CLSTN2: variants seen among roughly 807,000 people sequenced by gnomAD.
CLSTN2 encodes the protein calsyntenin-2.
CLSTN2 carries 48 observed loss-of-function variants against 101.2 expected under a neutral mutation model. The observed-to-expected ratio is 0.47, with a 90% CI of 0.38 to 0.60. The LOEUF (loss-of-function observed/expected upper bound fraction) is 0.60, where lower values mean the gene tolerates loss of function less well. Ranked by LOEUF, CLSTN2 falls within the 20% of genes least tolerant of loss-of-function variation. The pLI is 0.00. For missense variants in CLSTN2, 1,160 were observed against 1,238.2 expected (o/e 0.94, Z 0.95); for synonymous variants, 481 against 463.6 (o/e 1.04, Z -0.48).
chr3:139,981,744 A>C (rs1436485372), intron 1 of CLSTN2, among the ~76,000 whole-genome samples: 2 of 152,170 alleles, frequency 1.3e-5, no homozygotes, highest in Admixed American at 6.5e-5. Context: ...CTTTTTGGAG[A>C]GAATCTTTGC....
intron 9 of CLSTN2, among the ~76,000 whole-genome samples, chr3:140,538,897 C>G (rs140087320): frequency 1.3e-5 from 2 of 152,314 alleles, no homozygotes; most frequent in Non-Finnish European, 2.9e-5. Flanking sequence ...ATTTGAGAGT[C>G]ACAATGCATG....
At chr3:140,080,834 T>C (rs1576419923) in intron 1 of CLSTN2, among the ~76,000 whole-genome samples, 1 of 152,120 alleles carries the variant, frequency 6.6e-6, no homozygotes. Context: ...GCCACAAGGA[T>C]GGGGTGAGTG....
At chr3:140,307,287 T>C (rs12695712) in intron 2 of CLSTN2, among the ~76,000 whole-genome samples, 94,118 of 151,906 alleles carry the variant, frequency 0.62, 29,448 homozygotes, top group Non-Finnish European at 0.68. Context: ...TCCCAAACCA[T>C]GTGGGACATT....
In CLSTN2 at chr3:140,556,494, G is replaced by A. The variant is rs751708160; in HGVS notation, c.1675-19G>A. 1.5e-5 allele frequency: 25 copies of A among 1,613,386 alleles called. No individual in the cohort carries two copies. The South Asian group carries it at 2.7e-4, about 18-fold the overall frequency. On this transcript the variant is annotated intron_variant, in intron 10 of 16. Transcript: ENST00000458420. The stretch of plus-strand genomic sequence containing the variant: ...ATCACTGACCATTCTCTTCCATGAT[G>A]CTCACTTTTGTCTTCCAGTATCACT...
At chr3:140,273,127 C>A (rs928534370) in intron 2 of CLSTN2, among the ~76,000 whole-genome samples, 1 of 151,948 alleles carries the variant, frequency 6.6e-6, no homozygotes, top group Non-Finnish European at 1.5e-5. Context: ...GAATAAAAAA[C>A]TTTTATTCCT....
At chr3:140,490,925 C>T (rs372570428) in intron 8 of CLSTN2, among the ~76,000 whole-genome samples, 7 of 152,138 alleles carry the variant, frequency 4.6e-5, no homozygotes, top group Admixed American at 1.3e-4. Context: ...AAGGGCTGTC[C>T]CATTTCTGCA....
chr3:140,526,153 G>C (rs1484845027), intron 8 of CLSTN2, among the ~76,000 whole-genome samples: 1 of 152,064 alleles, frequency 6.6e-6, no homozygotes, highest in African/African-American at 2.4e-5. Context: ...CTTTTCAAAT[G>C]ATATGATTCC....
rs35828839 is a variant in CLSTN2, at chr3:140,345,600, ATT to A, written c.233-58008_233-58007del. ...TTTATCATTGGTGATTATGTGTGGA[ATT>A]TTTTTTTTTTTTTTTTTTTTGGTAC... On this transcript the variant is annotated intron_variant, in intron 2 of 16. Transcript: ENST00000458420. Among the ~76,000 whole-genome samples, 868 of 121,080 alleles carry A rather than the reference ATT, an allele frequency of 7.2e-3. 12 individuals carry two copies. Among genetic ancestry groups the A allele is most frequent in the East Asian group, 0.041 (177 of 4,316 alleles). 79.4% of individuals were successfully genotyped at this position (121,080 alleles called of 152,430 possible).
chr3:140,023,732 T>A (rs2007365042), intron 1 of CLSTN2, among the ~76,000 whole-genome samples: 1 of 152,176 alleles, frequency 6.6e-6, no homozygotes, highest in Non-Finnish European at 1.5e-5. Flanking sequence ...CCGAGCAGAC[T>A]CCTTGTTTAC....
At chr3:140,161,844 C>T (rs1037905792) in intron 1 of CLSTN2, among the ~76,000 whole-genome samples, 3 of 152,074 alleles carry the variant, frequency 2.0e-5, no homozygotes, top group Non-Finnish European at 4.4e-5. Flanking sequence ...GTTAACAAAC[C>T]CAAAGAGCTT....
chr3:140,255,593 G>A (rs962645876), intron 2 of CLSTN2, among the ~76,000 whole-genome samples: 4 of 152,114 alleles, frequency 2.6e-5, no homozygotes, highest in Admixed American at 2.6e-4. Context: ...ATAGACACTG[G>A]GACCTACTTG....
chr3:140,555,657 G>A (rs1291403864), intron 10 of CLSTN2, among the ~76,000 whole-genome samples: 2 of 152,182 alleles, frequency 1.3e-5, no homozygotes, highest in African/African-American at 4.8e-5. Context: ...TCACAGATAT[G>A]TTTCTGATAT....
chr3:140,341,360 C>A (rs1014217534), intron 2 of CLSTN2, among the ~76,000 whole-genome samples: 1 of 152,188 alleles, frequency 6.6e-6, no homozygotes, highest in African/African-American at 2.4e-5. Flanking sequence ...GCTAAGTGTG[C>A]CTCTGACCTC....
intron 2 of CLSTN2, among the ~76,000 whole-genome samples, chr3:140,348,357 T>C (rs2087570254): frequency 6.6e-6 from 1 of 152,238 alleles, no homozygotes; most frequent in South Asian, 2.1e-4. Flanking sequence ...GGCTTTTTCT[T>C]GCTCTGATCG....
chr3:140,055,738 T>C (rs532480162), intron 1 of CLSTN2, among the ~76,000 whole-genome samples: 1 of 152,306 alleles, frequency 6.6e-6, no homozygotes, highest in South Asian at 2.1e-4. Context: ...TTAGCACTAA[T>C]CTTAGAAAGG....
At chr3:140,149,154 C>G (rs2009824492) in intron 1 of CLSTN2, among the ~76,000 whole-genome samples, 1 of 152,182 alleles carries the variant, frequency 6.6e-6, no homozygotes, top group South Asian at 2.1e-4. Flanking sequence ...TCCCTTCTCC[C>G]CATCCGTGCC....
chr3:140,513,230 T>C (rs537567568), intron 8 of CLSTN2, among the ~76,000 whole-genome samples: 2 of 152,316 alleles, frequency 1.3e-5, no homozygotes, highest in South Asian at 4.1e-4. Context: ...TTCAGTATGA[T>C]ATTGGCTGTG....
chr3:140,251,623 C>CTTTCCTTTCCTT (rs2086564767), intron 2 of CLSTN2, among the ~76,000 whole-genome samples: 1 of 151,142 alleles, frequency 6.6e-6, no homozygotes, highest in East Asian at 1.9e-4. Context: ...CTTTCCTTTC[C>CTTTCCTTTCCTT]TTTCCTTTCC....
At chr3:140,331,642 C>T (rs904135332) in intron 2 of CLSTN2, among the ~76,000 whole-genome samples, 1 of 152,186 alleles carries the variant, frequency 6.6e-6, no homozygotes, top group African/African-American at 2.4e-5. Flanking sequence ...ATTTTATAGG[C>T]TTGTTGTGGT....
Sources: allele counts gnomAD v4.1 joint callset (sites outside exome capture counted in the v4.1 genomes callset), GRCh38; gene constraint gnomAD v4.1.1; transcripts MANE v1.5; gene names NCBI Gene and HGNC (gene_info 2026-07-23, HGNC 2026-07-21).